The following SPATA16 variants were observed in gnomAD, a reference collection of about 807,000 sequenced individuals.
SPATA16 encodes spermatogenesis-associated protein 16.
SPATA16 carries 36 observed loss-of-function variants against 63.3 expected under a neutral mutation model. The ratio of observed to expected loss-of-function variants is 0.57; its 90% CI spans 0.44 to 0.75. SPATA16 has a LOEUF of 0.75. Among genes scored for constraint, SPATA16 ranks in the 30% least tolerant of loss-of-function variants. The pLI, the probability that SPATA16 is intolerant of heterozygous loss-of-function variation, is 0.00. For missense variants in SPATA16, 646 were observed against 679.3 expected (o/e 0.95, Z 0.54); for synonymous variants, 203 against 216.7 (o/e 0.94, Z 0.56).
At chr3:173,026,469 T>C (rs1735456055) in intron 3 of SPATA16, among the ~76,000 whole-genome samples, 2 of 151,944 alleles carry the variant, frequency 1.3e-5, no homozygotes, top group Non-Finnish European at 2.9e-5. Context: ...TTTTCTTTTA[T>C]AGTTTATACC....
chr3:172,987,386 C>T (rs1577119932), intron 4 of SPATA16, among the ~76,000 whole-genome samples: 1 of 152,278 alleles, frequency 6.6e-6, no homozygotes, highest in Middle Eastern at 3.4e-3. Flanking sequence ...ATTTTCCTAC[C>T]AGTGACCTGT....
intron 2 of SPATA16, among the ~76,000 whole-genome samples, chr3:173,071,096 G>A (rs1736664698): frequency 6.6e-6 from 1 of 152,194 alleles, no homozygotes; most frequent in Admixed American, 6.5e-5. Flanking sequence ...ATGATATGAT[G>A]TTGACATAAA....
At chr3:173,083,955 A>C (rs1331892426) in intron 2 of SPATA16, among the ~76,000 whole-genome samples, 1 of 152,106 alleles carries the variant, frequency 6.6e-6, no homozygotes, top group African/African-American at 2.4e-5. Context: ...AAGTATTCAC[A>C]ATAGCAAAGA....
intron 4 of SPATA16, among the ~76,000 whole-genome samples, chr3:172,981,334 T>C (rs1734312483): frequency 6.6e-6 from 1 of 152,176 alleles, no homozygotes; most frequent in Non-Finnish European, 1.5e-5. Context: ...CTAGAGCAGG[T>C]CACTCCTGTG....
At chr3:172,989,526 A>T (rs1308277021) in intron 4 of SPATA16, among the ~76,000 whole-genome samples, 2 of 152,210 alleles carry the variant, frequency 1.3e-5, no homozygotes, top group South Asian at 2.1e-4. Context: ...TTTGAATCTC[A>T]ATCCTGTTAT....
intron 3 of SPATA16, among the ~76,000 whole-genome samples, chr3:173,045,797 A>G (rs1001973722): frequency 6.6e-6 from 1 of 151,808 alleles, no homozygotes; most frequent in Non-Finnish European, 1.5e-5. Flanking sequence ...AGCATCATGT[A>G]TTTTCTATTT....
rs183517029 is a variant in SPATA16, at chr3:173,076,001, G to A, written c.613-26907C>T. On this transcript the variant is annotated intron_variant, in intron 2 of 10. Transcript: ENST00000351008. ...TATGATTTGATCATTAATTACCCCC[G>A]ATTTGATCATTACAAATGTCACATG... 2.6e-3 allele frequency among the ~76,000 whole-genome samples: 402 copies of A among 152,118 alleles called. 1 individual carries two copies. The Middle Eastern group carries it at 0.037, about 14-fold the overall frequency.
chr3:172,950,697 G>A (rs1000077670), intron 6 of SPATA16, among the ~76,000 whole-genome samples: 1 of 151,980 alleles, frequency 6.6e-6, no homozygotes, highest in Non-Finnish European at 1.5e-5. Context: ...CAAGAACAAG[G>A]TTATAAATTT....
At chr3:172,925,844 A>T (rs1411901113) in intron 6 of SPATA16, among the ~76,000 whole-genome samples, 1 of 151,362 alleles carries the variant, frequency 6.6e-6, no homozygotes, top group Non-Finnish European at 1.5e-5. Context: ...CTTTTTTTTT[A>T]GATGGAGTCT....
At chr3:173,031,984 A>G in intron 3 of SPATA16, among the ~76,000 whole-genome samples, 1 of 152,138 alleles carries the variant, frequency 6.6e-6, no homozygotes, top group East Asian at 1.9e-4. Flanking sequence ...TTATTGTCAA[A>G]CAAAGCATAT....
At chr3:173,140,464 T>G (rs1738679829) in intron 1 of SPATA16, among the ~76,000 whole-genome samples, 2 of 152,236 alleles carry the variant, frequency 1.3e-5, no homozygotes, top group Admixed American at 1.3e-4. Flanking sequence ...CATTCATTCA[T>G]TTACTCATTC....
chr3:172,941,458 AAAG>A (rs1193723478), intron 6 of SPATA16, among the ~76,000 whole-genome samples: 1 of 152,236 alleles, frequency 6.6e-6, no homozygotes, highest in Non-Finnish European at 1.5e-5. Context: ...ATCAGAGATA[AAAG>A]AAGATTATCT....
Position 173,117,380 on chromosome 3 carries a change from T to C in SPATA16, c.352A>G (p.Lys118Glu), listed in dbSNP as rs1737932591. ...TTCATTTCCACATCCATTATGTTCT[T>C]TAAGGGGATGTGAGGCAGAGGCATG... is the stretch of plus-strand genomic sequence containing the variant. ...ITMPLPHIPL[K>E]NIMDVEMKLV... The change falls in exon 2 of 11, where the codon AAG becomes GAG. Residue 118 changes from lysine to glutamate, a missense_variant. By Grantham distance (56) the Lys-to-Glu change is moderately conservative (BLOSUM62 1). Coordinates refer to ENST00000351008, the MANE Select transcript of SPATA16 (RefSeq NM_031955.6). 6.2e-7 allele frequency: 1 copy of C among 1,614,078 alleles called. No homozygotes were observed.
intron 1 of SPATA16, among the ~76,000 whole-genome samples, chr3:173,119,154 G>A (rs777280122): frequency 1.3e-5 from 2 of 152,052 alleles, no homozygotes; most frequent in East Asian, 1.9e-4. Flanking sequence ...GGGGCCTGTC[G>A]AGGGGGTGTG....
At position 173,034,050 on chromosome 3, in the gene SPATA16, C is replaced by G. The variant is rs576821478; in HGVS notation, c.759-14475G>C. ...TACTTTGAAAGGTACAATGAATAAACTTCCCTCTGTTCTACCTATTGGAAA... is the reference window on the plus strand; with the variant it reads ...TACTTTGAAAGGTACAATGAATAAAGTTCCCTCTGTTCTACCTATTGGAAA... On this transcript the variant is annotated intron_variant, in intron 3 of 10. Coordinates refer to ENST00000351008, the MANE Select transcript of SPATA16 (RefSeq NM_031955.6). Among the ~76,000 whole-genome samples, 7 of 152,266 alleles carry G rather than the reference C, an allele frequency of 4.6e-5. No homozygotes were observed. The South Asian group carries it at 1.2e-3, about 27-fold the overall frequency.
chr3:172,994,440 G>T (rs1308802145), intron 4 of SPATA16, among the ~76,000 whole-genome samples: 3 of 152,092 alleles, frequency 2.0e-5, no homozygotes, highest in Non-Finnish European at 4.4e-5. Context: ...AGAGGAAAAA[G>T]CTATTTTGAG....
At chr3:172,994,716 A>G (rs140264190) in intron 4 of SPATA16, among the ~76,000 whole-genome samples, 17 of 152,344 alleles carry the variant, frequency 1.1e-4, no homozygotes, top group Non-Finnish European at 2.1e-4. Context: ...CTGCAAATAA[A>G]GCATACTGCA....
chr3:173,137,228 AG>A (rs1401550705), intron 1 of SPATA16, among the ~76,000 whole-genome samples: 2 of 152,206 alleles, frequency 1.3e-5, no homozygotes, highest in Non-Finnish European at 2.9e-5. Context: ...GAGATGAATC[AG>A]GCTCTGAGGG....
intron 6 of SPATA16, among the ~76,000 whole-genome samples, chr3:172,949,231 C>CAATAAATAAATAAATA (rs148318425): frequency 0.025 from 3,822 of 151,608 alleles, 170 homozygotes; most frequent in African/African-American, 0.088. Flanking sequence ...CTACTAAAAG[C>CAATAAATAAATAAATA]AATAAATAAA....
Sources: allele counts gnomAD v4.1 joint callset (sites outside exome capture counted in the v4.1 genomes callset), GRCh38; gene constraint gnomAD v4.1.1; transcripts MANE v1.5; gene names NCBI Gene and HGNC (gene_info 2026-07-23, HGNC 2026-07-21).